Variants in AVEN observed in about 807,000 individuals in gnomAD.
AVEN encodes the protein cell death regulator Aven.
Under a neutral mutation model 38.1 loss-of-function variants are expected in AVEN, and 41 were observed. The ratio of observed to expected loss-of-function variants is 1.08; its 90% CI spans 0.84 to 1.40. The LOEUF is 1.40. Among genes scored for constraint, AVEN ranks in the 40% most tolerant of loss-of-function variants. The pLI is 0.00. For missense variants in AVEN, 605 were observed against 438.8 expected (o/e 1.38, Z -3.38); for synonymous variants, 206 against 171.8 (o/e 1.20, Z -1.56).
chr15:33,912,713 C>T (rs1462817522), intron 2 of AVEN, among the ~76,000 whole-genome samples: 1 of 152,130 alleles, frequency 6.6e-6, no homozygotes, highest in African/African-American at 2.4e-5. Context: ...TGTCACAAGA[C>T]TGGTGACATA....
intron 1 of AVEN, among the ~76,000 whole-genome samples, chr15:34,029,093 A>G (rs1898637378): frequency 6.6e-6 from 1 of 151,926 alleles, no homozygotes; most frequent in Admixed American, 6.6e-5. Context: ...CATGCTACCC[A>G]CCAGAGTAGA....
Position 34,038,867 on chromosome 15 carries a change from G to C in AVEN, c.180C>G (p.Arg60=). 1 of 1,152,142 alleles carries C rather than the reference G, an allele frequency of 8.7e-7. No homozygotes were observed. The highest frequency in any genetic ancestry group is 1.1e-6 in the Non-Finnish European group (1 of 940,832). The allele number at this position is 1,152,142 out of a possible 1,614,324, so 71.4% of individuals were successfully genotyped here. The change falls in exon 1 of 6, where the codon CGC becomes CGG. Residue 60 remains arginine, a synonymous_variant. Transcript: ENST00000306730. ...CTCCTCCTCGGCCTCCGCGAGCGCC[G>C]CGGAAGCCCCGGCCACGGCCACGGC... ...RRGRGRGRGF[R]GARGGRGGGG...
intron 2 of AVEN, among the ~76,000 whole-genome samples, chr15:33,996,120 CA>C (rs1896922190): frequency 2.0e-5 from 3 of 152,210 alleles, no homozygotes; most frequent in African/African-American, 7.2e-5. Flanking sequence ...AGCAGCCTGG[CA>C]GGGGGAGGGG....
Position 33,879,471 on chromosome 15 carries a change from G to A in AVEN, c.446-3476C>T, listed in dbSNP as rs906750112. Among the ~76,000 whole-genome samples, 7 of 151,484 alleles carry A rather than the reference G, an allele frequency of 4.6e-5. No individual in the cohort carries two copies. The East Asian group carries it at 9.7e-4, about 21-fold the overall frequency. On this transcript the variant is annotated intron_variant, in intron 2 of 5. Coordinates refer to ENST00000306730, the MANE Select transcript of AVEN (RefSeq NM_020371.3). Reference sequence around the variant, plus strand: ...AATGCTAAATGACGAGTTAATGGGTGCAGCACACCAGCATGGCACATGTAT... The same window carrying A: ...AATGCTAAATGACGAGTTAATGGGTACAGCACACCAGCATGGCACATGTAT...
chr15:33,981,978 G>A, intron 2 of AVEN, among the ~76,000 whole-genome samples: 1 of 151,666 alleles, frequency 6.6e-6, no homozygotes, highest in Middle Eastern at 3.2e-3. Flanking sequence ...AGCCTCCCTA[G>A]TAGCTGGGAC....
intron 5 of AVEN, among the ~76,000 whole-genome samples, chr15:34,047,482 C>G (rs995824688): frequency 6.6e-6 from 1 of 152,194 alleles, no homozygotes; most frequent in African/African-American, 2.4e-5. Flanking sequence ...AGCCAAGCAG[C>G]ATCTTTCTGC....
intron 2 of AVEN, among the ~76,000 whole-genome samples, chr15:33,936,688 G>C (rs1302711515): frequency 6.6e-6 from 1 of 152,156 alleles, no homozygotes; most frequent in Non-Finnish European, 1.5e-5. Context: ...ATTCACATGA[G>C]AGAAGAAAGG....
chr15:33,964,106 TA>T (rs35355454), intron 2 of AVEN, among the ~76,000 whole-genome samples: 13 of 145,202 alleles, frequency 9.0e-5, no homozygotes, highest in African/African-American at 2.0e-4. Context: ...AGTCCTTACT[TA>T]AAAAAAAAAA....
chr15:33,904,706 T>TACACACAC (rs755723684), intron 2 of AVEN, among the ~76,000 whole-genome samples: 5 of 101,342 alleles, frequency 4.9e-5, no homozygotes, highest in African/African-American at 1.2e-4. Flanking sequence ...TATATATATA[T>TACACACAC]ATATATATAT....
At chr15:33,931,349 CTTTTTTTTTTTTTTTTTTTTTT>C (rs71119903) in intron 2 of AVEN, among the ~76,000 whole-genome samples, 7 of 89,296 alleles carry the variant, frequency 7.8e-5, no homozygotes, top group South Asian at 3.8e-4. Context: ...TGAATATTTT[CTTTTTTTTTTTTTTTTTTTTTT>C]TTTTTTTTTT....
intron 2 of AVEN, among the ~76,000 whole-genome samples, chr15:33,963,339 C>T (rs1238676575): frequency 6.6e-6 from 1 of 152,126 alleles, no homozygotes; most frequent in Admixed American, 6.6e-5. Flanking sequence ...AAGATAGATC[C>T]TTTCTTTAAA....
chr15:33,917,194 T>C (rs1893169991), intron 2 of AVEN, among the ~76,000 whole-genome samples: 1 of 152,060 alleles, frequency 6.6e-6, no homozygotes, highest in Non-Finnish European at 1.5e-5. Flanking sequence ...AGAACTACCA[T>C]TTGATCTAGC....
chr15:34,042,289 A>T (rs1899503282), upstream of AVEN, among the ~76,000 whole-genome samples: 1 of 152,090 alleles, frequency 6.6e-6, no homozygotes, highest in Admixed American at 6.6e-5. Flanking sequence ...CTTAGGTAGG[A>T]CTCATGAGAA....
chr15:33,999,125 T>G (rs1204038684), intron 2 of AVEN, among the ~76,000 whole-genome samples: 1 of 152,190 alleles, frequency 6.6e-6, no homozygotes, highest in Non-Finnish European at 1.5e-5. Context: ...ACAACTTCCC[T>G]TGTCTTCTGG....
downstream of AVEN, among the ~76,000 whole-genome samples, chr15:33,861,484 T>TC (rs1379452982): frequency 6.6e-6 from 1 of 151,840 alleles, no homozygotes; most frequent in Admixed American, 6.6e-5. Context: ...AATATGCTTT[T>TC]TTTTTTTTAA....
chr15:34,022,159 G>C (rs1180478436), intron 1 of AVEN, among the ~76,000 whole-genome samples: 1 of 152,200 alleles, frequency 6.6e-6, no homozygotes, highest in Non-Finnish European at 1.5e-5. Flanking sequence ...TAGCTGAACT[G>C]CTTTCTATTG....
chr15:33,853,493 G>C, the AVEN span: 1 of 1,584,340 alleles, frequency 6.3e-7, no homozygotes, highest in Non-Finnish European at 8.6e-7. Context: ...GAAGACCCCA[G>C]AGCTAGAAAA....
chr15:33,853,190 T>TA, the AVEN span: 1 of 1,053,222 alleles, frequency 9.5e-7, no homozygotes. Flanking sequence ...ATGCTACTTT[T>TA]ATGATAATAT....
At chr15:33,985,158 T>C (rs1026254214) in intron 2 of AVEN, among the ~76,000 whole-genome samples, 2 of 151,986 alleles carry the variant, frequency 1.3e-5, no homozygotes, top group Non-Finnish European at 2.9e-5. Context: ...TTCCACCTTA[T>C]CTGTAAGCTA....
Sources: allele counts gnomAD v4.1 joint callset (sites outside exome capture counted in the v4.1 genomes callset), GRCh38; gene constraint gnomAD v4.1.1; transcripts MANE v1.5; gene names NCBI Gene and HGNC (gene_info 2026-07-23, HGNC 2026-07-21).